Variants in CACNB4 observed in about 807,000 individuals in gnomAD.
CACNB4 encodes the protein voltage-dependent L-type calcium channel subunit beta-4.
A neutral mutation model predicts 71.2 loss-of-function variants in CACNB4; 32 were observed. That is an observed-to-expected ratio of 0.45 (90% CI 0.34 to 0.60). CACNB4 has a LOEUF of 0.60. CACNB4 is among the 20% of genes least tolerant of loss of function. The probability of loss-of-function intolerance (pLI) is 0.01; values close to 1 mark genes in which losing one functional copy is unlikely to be tolerated. For missense variants in CACNB4, 464 were observed against 647.9 expected (o/e 0.72, Z 3.08); for synonymous variants, 231 against 236.9 (o/e 0.97, Z 0.23).
intron 2 of CACNB4, among the ~76,000 whole-genome samples, chr2:151,919,246 G>C (rs1027608906): frequency 2.0e-5 from 3 of 152,070 alleles, no homozygotes; most frequent in African/African-American, 7.2e-5. Flanking sequence ...TCTTTTCTTT[G>C]AGTGAGACAA....
At chr2:152,000,531 G>A (rs1384429474) in intron 2 of CACNB4, among the ~76,000 whole-genome samples, 1 of 152,140 alleles carries the variant, frequency 6.6e-6, no homozygotes, top group African/African-American at 2.4e-5. Flanking sequence ...ACAACTGGAT[G>A]GCTCCATCTA....
In CACNB4 at chr2:151,943,164, G is replaced by A. The variant is rs373287074; in HGVS notation, c.148-59794C>T. On this transcript the variant is annotated intron_variant, in intron 2 of 13. Transcript: ENST00000539935. ...GGGCATCACGGTCCTACTGATATGT[G>A]ATGTCACCTCCGGCGGCCCAGCTGT... Among the ~76,000 whole-genome samples the A allele has an allele frequency of 3.3e-5, 5 of 152,164 alleles. No individual in the cohort carries two copies. The East Asian group carries it at 7.7e-4, about 23-fold the overall frequency.
At chr2:152,068,026 C>A (rs1224921954) in intron 2 of CACNB4, among the ~76,000 whole-genome samples, 2 of 152,176 alleles carry the variant, frequency 1.3e-5, no homozygotes, top group African/African-American at 4.8e-5. Flanking sequence ...TCATTGCCTG[C>A]AGCCATGGGG....
Position 151,833,990 on chromosome 2 carries a change from T to C in CACNB4, c.*5129A>G, listed in dbSNP as rs2151304006. 6.6e-6 allele frequency: 1 copy of C among 152,200 alleles called. No individual in the cohort carries two copies. The allele number at this position is 152,200 out of a possible 1,614,324, so 9.4% of individuals were successfully genotyped here. The stretch of plus-strand genomic sequence containing the variant: ...ATAGTATGCAACGATATAGCGTTAA[T>C]GATCCCGCCTCTTTATTACATCCCT... On this transcript the variant is annotated 3_prime_UTR_variant, in exon 14 of 14. Coordinates refer to ENST00000539935, the MANE Select transcript of CACNB4 (RefSeq NM_000726.5).
intron 2 of CACNB4, among the ~76,000 whole-genome samples, chr2:152,087,302 C>T (rs911982338): frequency 2.6e-5 from 4 of 151,454 alleles, no homozygotes; most frequent in South Asian, 2.1e-4. Flanking sequence ...CATGGTGGCA[C>T]GTACCTGTAA....
intron 2 of CACNB4, among the ~76,000 whole-genome samples, chr2:151,947,032 A>G (rs1249192122): frequency 1.3e-5 from 2 of 152,200 alleles, no homozygotes; most frequent in East Asian, 3.9e-4. Context: ...CCAAGGAGAG[A>G]CACCAGATGA....
At chr2:151,875,840 G>A (rs1405324872) in intron 5 of CACNB4, among the ~76,000 whole-genome samples, 1 of 139,180 alleles carries the variant, frequency 7.2e-6, no homozygotes, top group Non-Finnish European at 1.6e-5. Context: ...CTCGCCTGGC[G>A]GGGGGCTGAC....
At chr2:151,898,349 G>C (rs2099852587) in intron 2 of CACNB4, among the ~76,000 whole-genome samples, 1 of 152,196 alleles carries the variant, frequency 6.6e-6, no homozygotes, top group African/African-American at 2.4e-5. Flanking sequence ...AAGACGGCCA[G>C]GGCTAGGGAC....
At chr2:151,902,358 C>T (rs1430390698) in intron 2 of CACNB4, among the ~76,000 whole-genome samples, 2 of 152,134 alleles carry the variant, frequency 1.3e-5, no homozygotes, top group African/African-American at 4.8e-5. Flanking sequence ...GGAATGCCTG[C>T]ATGAGAACTC....
At chr2:151,853,570 G>A (rs759691094) in intron 11 of CACNB4, 27 bp from the exon 12 acceptor site, 17 of 1,322,100 alleles carry the variant, frequency 1.3e-5, no homozygotes, top group Non-Finnish European at 1.7e-5. Flanking sequence ...TGAACCTGAG[G>A]TATTGTAGAT....
intron 2 of CACNB4, among the ~76,000 whole-genome samples, chr2:151,957,107 C>T (rs112587477): frequency 0.027 from 4,076 of 152,090 alleles, 81 homozygotes; most frequent in Non-Finnish European, 0.037. Flanking sequence ...GAGCCGAGAT[C>T]GTGCCACTGC....
intron 2 of CACNB4, among the ~76,000 whole-genome samples, chr2:152,064,678 C>T (rs985905658): frequency 3.9e-5 from 6 of 152,172 alleles, no homozygotes; most frequent in South Asian, 2.1e-4. Context: ...CCACCACGCC[C>T]GGCCCTATAA....
intron 3 of CACNB4, 111 bp from the exon 4 acceptor site, chr2:151,881,033 T>A: frequency 9.2e-7 from 1 of 1,088,712 alleles, no homozygotes; most frequent in Non-Finnish European, 1.3e-6. Context: ...CAAAGAGGGA[T>A]CTCAAATGAG....
At chr2:151,964,087 A>AAAAAAAT (rs1291914342) in intron 2 of CACNB4, among the ~76,000 whole-genome samples, 17 of 151,096 alleles carry the variant, frequency 1.1e-4, no homozygotes, top group African/African-American at 4.2e-4. Flanking sequence ...AAAAAAAAAA[A>AAAAAAAT]AAAGAATGTT....
At chr2:152,092,516 G>C (rs1489790575) in intron 2 of CACNB4, among the ~76,000 whole-genome samples, 1 of 152,002 alleles carries the variant, frequency 6.6e-6, no homozygotes, top group Non-Finnish European at 1.5e-5. Flanking sequence ...GAGGTTCCTT[G>C]TTCCAAGGTA....
In CACNB4 at chr2:151,835,396, C is replaced by T. The variant is rs1350572927; in HGVS notation, c.*3723G>A. The T allele has an allele frequency of 6.6e-6, 1 of 151,802 alleles. No individual in the cohort carries two copies. Among genetic ancestry groups the T allele is most frequent in the African/African-American group, 2.4e-5 (1 of 41,412 alleles). The allele number at this position is 151,802 out of a possible 1,614,324, so 9.4% of individuals were successfully genotyped here. ...TATTTAGCTTTGCAGCAAGGTTAGCCAGAATAGTGATAATTTTGATCACTA... is the reference window on the plus strand; with the variant it reads ...TATTTAGCTTTGCAGCAAGGTTAGCTAGAATAGTGATAATTTTGATCACTA... On this transcript the variant is annotated 3_prime_UTR_variant, in exon 14 of 14. Transcript: ENST00000539935.
intron 2 of CACNB4, among the ~76,000 whole-genome samples, chr2:152,089,576 A>T (rs1403489577): frequency 6.6e-6 from 1 of 152,162 alleles, no homozygotes; most frequent in Non-Finnish European, 1.5e-5. Context: ...GCTCCAGCAA[A>T]GGGACAGAAA....
chr2:152,051,250 C>CT (rs199907302), intron 2 of CACNB4, among the ~76,000 whole-genome samples: 2 of 151,604 alleles, frequency 1.3e-5, no homozygotes, highest in Non-Finnish European at 2.9e-5. Context: ...TTACTATCAA[C>CT]TTTTTTTTTG....
At chr2:152,057,295 T>C (rs1579215240) in intron 2 of CACNB4, among the ~76,000 whole-genome samples, 1 of 152,244 alleles carries the variant, frequency 6.6e-6, no homozygotes, top group African/African-American at 2.4e-5. Context: ...AGACCCCAGG[T>C]CTAGCTGACA....
Sources: gnomAD v4.1 joint callset for allele counts (sites outside exome capture counted in the v4.1 genomes callset) on GRCh38, gnomAD v4.1.1 for gene constraint, MANE v1.5 for transcripts, NCBI Gene and HGNC (gene_info 2026-07-23, HGNC 2026-07-21) for gene names.